Variants in PCDHGA8 observed in about 807,000 individuals in gnomAD.
PCDHGA8 encodes the protein protocadherin gamma-A8.
A neutral mutation model predicts 59.2 loss-of-function variants in PCDHGA8; 45 were observed. That is an observed-to-expected ratio of 0.76 (90% CI 0.60 to 0.98). PCDHGA8 has a LOEUF of 0.98. PCDHGA8 is among the 50% of genes least tolerant of loss of function. The pLI, the probability that PCDHGA8 is intolerant of heterozygous loss-of-function variation, is 0.00. For missense variants in PCDHGA8, 1,257 were observed against 1,196.2 expected (o/e 1.05, Z -0.75); for synonymous variants, 531 against 519.0 (o/e 1.02, Z -0.32).
intron 1 of PCDHGA8, chr5:141,418,539 A>C (rs984639830): frequency 6.2e-7 from 1 of 1,614,034 alleles, no homozygotes; most frequent in East Asian, 2.2e-5. Flanking sequence ...GGTACTGCTC[A>C]GATAAGAATC....
Position 141,431,228 on chromosome 5 carries a change from GC to G in PCDHGA8, c.2424+35993del. The G allele has an allele frequency of 6.2e-7, 1 of 1,614,118 alleles. No homozygotes were observed. Among genetic ancestry groups the G allele is most frequent in the Non-Finnish European group, 8.5e-7 (1 of 1,180,030 alleles). On this transcript the variant is annotated intron_variant, in intron 1 of 3. Transcript: ENST00000398604. This position sits in a 1 kb window ranked among gnomAD's most constrained non-coding sequence, Gnocchi z 4.8. ...TGAGATGCGGTTCCCTCTACCCCAC[GC>G]CTGGGATCCGGATATCGGGAAGAAC...
At chr5:141,410,029 G>T (rs2095350230) in intron 1 of PCDHGA8, 15 of 1,613,274 alleles carry the variant, frequency 9.3e-6, no homozygotes, top group Non-Finnish European at 1.3e-5. Context: ...ACCACGTGCT[G>T]CAGGCCAGTG....
At chr5:141,437,999 C>T (rs1230507077) in intron 1 of PCDHGA8, among the ~76,000 whole-genome samples, 1 of 152,062 alleles carries the variant, frequency 6.6e-6, no homozygotes, top group African/African-American at 2.4e-5. Flanking sequence ...CCTCAGCCTC[C>T]CAAATAGCTG....
chr5:141,445,416 T>C lies in PCDHGA8; in HGVS notation c.2425-49391T>C, dbSNP rs190826518. ...TAACAAATATTTATTAACTGTCTGC[T>C]ATATGCAAGGCACTGACCTATGGAC... On this transcript the variant is annotated intron_variant, in intron 1 of 3. Coordinates refer to ENST00000398604, the MANE Select transcript of PCDHGA8 (RefSeq NM_032088.2). 2.2e-3 allele frequency among the ~76,000 whole-genome samples: 336 copies of C among 152,342 alleles called. 1 individual carries two copies. The highest frequency in any genetic ancestry group is 0.01 in the Middle Eastern group (3 of 294).
intron 1 of PCDHGA8, among the ~76,000 whole-genome samples, chr5:141,466,080 C>A (rs1186062704): frequency 6.6e-6 from 1 of 152,108 alleles, no homozygotes; most frequent in East Asian, 1.9e-4. Flanking sequence ...TGATATCATG[C>A]CACTGCACTC....
At chr5:141,428,552 T>TC in intron 1 of PCDHGA8, 2 of 244,422 alleles carry the variant, frequency 8.2e-6, no homozygotes, top group African/African-American at 2.2e-5. Context: ...CCAGAAACAG[T>TC]CCCCCCACAA....
intron 1 of PCDHGA8, chr5:141,427,178 A>G (rs1175390589): frequency 4.4e-6 from 2 of 456,644 alleles, no homozygotes; most frequent in Admixed American, 2.3e-5. Flanking sequence ...AAAATGGGGA[A>G]ATTAAATCCA....
intron 1 of PCDHGA8, among the ~76,000 whole-genome samples, chr5:141,445,700 A>G (rs2098474731): frequency 6.6e-6 from 1 of 152,216 alleles, no homozygotes; most frequent in Non-Finnish European, 1.5e-5. Flanking sequence ...TAAAAAAGAA[A>G]TTGTCAGGCA....
chr5:141,399,817 G>T (rs369747431), intron 1 of PCDHGA8: 1 of 1,613,224 alleles, frequency 6.2e-7, no homozygotes, highest in South Asian at 1.1e-5. Flanking sequence ...CCCCGCGCTG[G>T]GTCCCGACGG....
chr5:141,402,801 G>A, intron 1 of PCDHGA8: 6 of 1,078,624 alleles, frequency 5.6e-6, no homozygotes, highest in Non-Finnish European at 7.6e-6. Context: ...CACAAAACCC[G>A]GCAGATACCA....
chr5:141,489,458 G>A lies in PCDHGA8; in HGVS notation c.2425-5349G>A, dbSNP rs143138320. 3.5e-5 allele frequency: 56 copies of A among 1,614,042 alleles called. No homozygotes were observed. The highest frequency in any genetic ancestry group is 8.0e-5 in the African/African-American group (6 of 75,052). ...CAATTGGGCTCTGAGGAGAATGGGC[G>A]CTATTTTTCCCTGAGCTTGATGAGT... is the stretch of plus-strand genomic sequence containing the variant. On this transcript the variant is annotated intron_variant, in intron 1 of 3. Transcript: ENST00000398604. This position sits in a 1 kb window ranked among gnomAD's most constrained non-coding sequence, Gnocchi z 4.5.
intron 1 of PCDHGA8, among the ~76,000 whole-genome samples, chr5:141,430,159 A>G (rs1324343997): frequency 6.6e-6 from 1 of 152,176 alleles, no homozygotes; most frequent in Non-Finnish European, 1.5e-5. Context: ...CAAGGAATCT[A>G]TTTAAAAATA....
rs1232672788 is a variant in PCDHGA8, at chr5:141,431,315, G to A, written c.2424+36078G>A. The A allele has an allele frequency of 6.2e-7, 1 of 1,614,080 alleles. No individual in the cohort carries two copies. Among genetic ancestry groups the A allele is most frequent in the South Asian group, 1.1e-5 (1 of 91,078 alleles). On this transcript the variant is annotated intron_variant, in intron 1 of 3. Coordinates refer to ENST00000398604, the MANE Select transcript of PCDHGA8 (RefSeq NM_032088.2). The surrounding 1 kb of genome is among the most constrained non-coding windows in gnomAD (Gnocchi z 4.8). ...CTTCTCCCTCATCGTGCAAAATGGAGCCGACGGTAGTAAGTACCCCGAATT... is the reference window on the plus strand; with the variant it reads ...CTTCTCCCTCATCGTGCAAAATGGAACCGACGGTAGTAAGTACCCCGAATT...
At chr5:141,455,394 C>T (rs1034564159) in intron 1 of PCDHGA8, among the ~76,000 whole-genome samples, 2 of 152,004 alleles carry the variant, frequency 1.3e-5, no homozygotes, top group African/African-American at 4.8e-5. Context: ...AAGGAGCTCC[C>T]CCTTACAGAG....
intron 1 of PCDHGA8, chr5:141,414,258 TG>T: frequency 6.2e-7 from 1 of 1,613,492 alleles, no homozygotes; most frequent in Non-Finnish European, 8.5e-7. Flanking sequence ...GTCCAGTGAC[TG>T]AAGATTCACC....
Position 141,418,242 on chromosome 5 carries a change from A to T in PCDHGA8, c.2424+23005A>T, listed in dbSNP as rs779996033. ...ATTGTGGTGATTGAGGATGTTAATG[A>T]CCACGCCCCTCAATTCCGGAAAGAT... On this transcript the variant is annotated intron_variant, in intron 1 of 3. Transcript: ENST00000398604. The T allele has an allele frequency of 3.7e-6, 6 of 1,613,896 alleles. No individual in the cohort carries two copies. The East Asian group carries it at 1.3e-4, about 36-fold the overall frequency.
In PCDHGA8 at chr5:141,431,253, ACT is replaced by A. The variant is rs757246289; in HGVS notation, c.2424+36021_2424+36022del. On this transcript the variant is annotated intron_variant, in intron 1 of 3. Coordinates refer to ENST00000398604, the MANE Select transcript of PCDHGA8 (RefSeq NM_032088.2). This position sits in a 1 kb window ranked among gnomAD's most constrained non-coding sequence, Gnocchi z 4.8. ...GCCTGGGATCCGGATATCGGGAAGA[ACT>A]CTCTGCAGAGCTACGAGCTCAGCCC... 2.2e-5 allele frequency: 35 copies of A among 1,614,014 alleles called. No individual in the cohort carries two copies. In the South Asian group the frequency reaches 3.1e-4, roughly 14 times the overall value.
chr5:141,431,049 T>C lies in PCDHGA8; in HGVS notation c.2424+35812T>C, dbSNP rs1226000576. On this transcript the variant is annotated intron_variant, in intron 1 of 3. Coordinates refer to ENST00000398604, the MANE Select transcript of PCDHGA8 (RefSeq NM_032088.2). The surrounding 1 kb of genome is among the most constrained non-coding windows in gnomAD (Gnocchi z 4.8). Reference sequence around the variant, plus strand: ...AGGATAGACCGGGAGGAGCTCTGTATGGGGGCCATCAAGTGTCAATTAAAT... The same window carrying C: ...AGGATAGACCGGGAGGAGCTCTGTACGGGGGCCATCAAGTGTCAATTAAAT... The C allele has an allele frequency of 6.2e-7, 1 of 1,614,162 alleles. No homozygotes were observed. Among genetic ancestry groups the C allele is most frequent in the Non-Finnish European group, 8.5e-7 (1 of 1,180,014 alleles).
intron 1 of PCDHGA8, 115 bp from the exon 2 acceptor site, chr5:141,494,692 C>G: frequency 6.3e-7 from 1 of 1,581,934 alleles, no homozygotes; most frequent in South Asian, 1.1e-5. Context: ...CCTCTTAGTC[C>G]GTTTTCTTCT....
Sources: allele counts gnomAD v4.1 joint callset (sites outside exome capture counted in the v4.1 genomes callset), GRCh38; gene constraint gnomAD v4.1.1; non-coding constraint Gnocchi (gnomAD v3.1); transcripts MANE v1.5; gene names NCBI Gene and HGNC (gene_info 2026-07-23, HGNC 2026-07-21).